SLC24A2: variants seen among roughly 807,000 people sequenced by gnomAD.
SLC24A2 encodes the protein sodium/potassium/calcium exchanger 2.
Under a neutral mutation model 62.0 loss-of-function variants are expected in SLC24A2, and 36 were observed. The observed-to-expected ratio is 0.58, with a 90% confidence interval of 0.44 to 0.77. SLC24A2 has a LOEUF of 0.77. Among genes scored for constraint, SLC24A2 ranks in the 30% least tolerant of loss-of-function variants. The pLI, the probability that SLC24A2 is intolerant of heterozygous loss-of-function variation, is 0.00. For synonymous variants in SLC24A2, 358 were observed against 294.0 expected, an observed-to-expected ratio of 1.22 and a Z score of -2.23; for missense variants, 846 against 817.9, an observed-to-expected ratio of 1.03 and a Z score of -0.42.
chr9:20,045,865 G>A, the SLC24A2 span, among the ~76,000 whole-genome samples: 8 of 152,114 alleles, frequency 5.3e-5, no homozygotes, highest in Non-Finnish European at 1.2e-4. Context: ...AGGTGTGAGC[G>A]GTCAAGTGTC....
chr9:20,174,122 G>C, the SLC24A2 span, among the ~76,000 whole-genome samples: 23 of 152,054 alleles, frequency 1.5e-4, no homozygotes, highest in Non-Finnish European at 2.9e-4. Context: ...TTCAACAAAT[G>C]ATGCTGGATA....
At chr9:20,274,088 G>T in the SLC24A2 span, among the ~76,000 whole-genome samples, 1 of 152,178 alleles carries the variant, frequency 6.6e-6, no homozygotes, top group Admixed American at 6.5e-5. Flanking sequence ...ACACTGTTCT[G>T]AGCACTGAGG....
chr9:19,560,310 C>T (rs1163682782), intron 7 of SLC24A2, among the ~76,000 whole-genome samples: 1 of 117,764 alleles, frequency 8.5e-6, no homozygotes, highest in Non-Finnish European at 1.7e-5. Context: ...CGCCCCCCAC[C>T]CCCAATTCAT....
At chr9:19,996,734 A>T in the SLC24A2 span, among the ~76,000 whole-genome samples, 1 of 136,734 alleles carries the variant, frequency 7.3e-6, no homozygotes, top group Non-Finnish European at 1.5e-5. Context: ...GACAAGAGTG[A>T]GACTCCGTCT....
chr9:19,774,088 A>G (rs1330134235), intron 2 of SLC24A2, among the ~76,000 whole-genome samples: 1 of 152,160 alleles, frequency 6.6e-6, no homozygotes, highest in Non-Finnish European at 1.5e-5. Flanking sequence ...TGAAATGGCA[A>G]TAGGAAAACA....
chr9:20,116,438 A>G, the SLC24A2 span, among the ~76,000 whole-genome samples: 2 of 152,128 alleles, frequency 1.3e-5, no homozygotes, highest in African/African-American at 4.8e-5. Flanking sequence ...ACCAGGTCCT[A>G]TGTTTCTCTT....
At chr9:19,714,629 A>G (rs930920275) in intron 2 of SLC24A2, among the ~76,000 whole-genome samples, 5 of 152,098 alleles carry the variant, frequency 3.3e-5, no homozygotes, top group African/African-American at 1.2e-4. Context: ...TGAGTATTAA[A>G]AAATTTTTTT....
the SLC24A2 span, among the ~76,000 whole-genome samples, chr9:19,848,001 A>G: frequency 6.6e-6 from 1 of 152,194 alleles, no homozygotes. Context: ...TTTCAACAGG[A>G]AGCTACTGTT....
At chr9:19,644,285 A>C (rs1818581492) in intron 2 of SLC24A2, among the ~76,000 whole-genome samples, 1 of 152,230 alleles carries the variant, frequency 6.6e-6, no homozygotes, top group East Asian at 1.9e-4. Flanking sequence ...ATTCATGTGA[A>C]TGCAGGTAGA....
At chr9:20,095,510 A>C in the SLC24A2 span, among the ~76,000 whole-genome samples, 5 of 152,188 alleles carry the variant, frequency 3.3e-5, no homozygotes, top group African/African-American at 1.2e-4. Context: ...TAAAAATCTG[A>C]ACTTTCTCCA....
chr9:19,797,540 G>A, the SLC24A2 span, among the ~76,000 whole-genome samples: 2 of 152,194 alleles, frequency 1.3e-5, no homozygotes, highest in African/African-American at 4.8e-5. Flanking sequence ...AAGTGAGGAT[G>A]CAACCATTTC....
At chr9:19,757,358 T>C (rs1193928908) in intron 2 of SLC24A2, among the ~76,000 whole-genome samples, 3 of 152,080 alleles carry the variant, frequency 2.0e-5, no homozygotes, top group African/African-American at 7.2e-5. Flanking sequence ...AGCTGAAAAA[T>C]TTCACTGATT....
chr9:19,606,741 T>A (rs934040048), intron 4 of SLC24A2, among the ~76,000 whole-genome samples: 3 of 152,214 alleles, frequency 2.0e-5, no homozygotes, highest in African/African-American at 7.2e-5. Flanking sequence ...CAAATGTGTA[T>A]GTGCACGTGT....
chr9:20,072,662 G>T, the SLC24A2 span, among the ~76,000 whole-genome samples: 2 of 151,992 alleles, frequency 1.3e-5, no homozygotes, highest in African/African-American at 2.4e-5. Flanking sequence ...TAATCGCAAT[G>T]ATCTTTTTAA....
the SLC24A2 span, among the ~76,000 whole-genome samples, chr9:20,016,766 G>A: frequency 6.4e-3 from 980 of 152,154 alleles, 1 homozygote; most frequent in Non-Finnish European, 0.012. Flanking sequence ...TGTAGAAAAA[G>A]ATAGGGGAGG....
chr9:19,551,723 C>T (rs1311128783), intron 7 of SLC24A2, among the ~76,000 whole-genome samples: 1 of 152,140 alleles, frequency 6.6e-6, no homozygotes, highest in African/African-American at 2.4e-5. Flanking sequence ...GAGGGGCAGG[C>T]TCAGGTCAGC....
intron 2 of SLC24A2, among the ~76,000 whole-genome samples, chr9:19,662,958 G>A (rs1819145679): frequency 6.6e-6 from 1 of 152,152 alleles, no homozygotes; most frequent in Non-Finnish European, 1.5e-5. Context: ...CCTATAAAAT[G>A]AATGCAGGAA....
chr9:19,866,648 TTTTTTTG>T, the SLC24A2 span, among the ~76,000 whole-genome samples: 1 of 141,590 alleles, frequency 7.1e-6, no homozygotes. Flanking sequence ...TTTTTTTTTT[TTTTTTTG>T]AGACGGAGTC....
At chr9:19,673,577 T>C (rs915586895) in intron 2 of SLC24A2, among the ~76,000 whole-genome samples, 2 of 152,226 alleles carry the variant, frequency 1.3e-5, no homozygotes, top group Non-Finnish European at 2.9e-5. Flanking sequence ...CCCTCCAGAA[T>C]AGCTGGGATT....
Sources: gnomAD v4.1 joint callset for allele counts (sites outside exome capture counted in the v4.1 genomes callset) on GRCh38, gnomAD v4.1.1 for gene constraint, MANE v1.5 for transcripts, NCBI Gene and HGNC (gene_info 2026-07-23, HGNC 2026-07-21) for gene names.